Variants in DOP1A observed in about 807,000 individuals in gnomAD.
DOP1A encodes DOP1 leucine zipper like protein A.
In DOP1A, 90 loss-of-function variants were observed where a neutral mutation model predicts 267.6. The observed-to-expected ratio is 0.34, with a 90% CI of 0.28 to 0.40. The LOEUF is 0.40. Ranked by LOEUF, DOP1A falls within the 10% of genes least tolerant of loss-of-function variation. DOP1A has a pLI of 1.00. For missense variants in DOP1A, 2,437 were observed against 2,900.4 expected, an observed-to-expected ratio of 0.84 and a Z score of 3.67; for synonymous variants, 932 against 999.1, an observed-to-expected ratio of 0.93 and a Z score of 1.27.
chr6:83,151,684 C>CAAAACTGTTTCTCAGTGCCCTCAATTG (rs1269561559), intron 28 of DOP1A, 25 bp downstream of exon 28: 2 of 1,579,492 alleles, frequency 1.3e-6, no homozygotes, highest in Non-Finnish European at 1.7e-6. Flanking sequence ...GAGCTGTTGC[C>CAAAACTGTTTCTCAGTGCCCTCAATTG]AAAACTGTTT....
intron 31 of DOP1A, 43 bp downstream of exon 31, chr6:83,153,663 C>A: frequency 6.9e-7 from 1 of 1,448,322 alleles, no homozygotes; most frequent in Admixed American, 2.1e-5. Context: ...AATTCATAGC[C>A]TGTTAGAAAC....
At position 83,139,155 on chromosome 6, in the gene DOP1A, G is replaced by A. The variant is rs1167829532; in HGVS notation, c.5113G>A (p.Asp1705Asn). Residue 1705 changes from aspartate (D) to asparagine (N), a missense_variant, in exon 21 of 39, where the codon GAT becomes AAT. Physicochemically the swap from Asp to Asn is conservative, Grantham distance 23. Coordinates refer to ENST00000349129, the MANE Select transcript of DOP1A (RefSeq NM_015018.4). ...QQYKYETGLS[D>N]SRPLWMASII... The stretch of plus-strand genomic sequence containing the variant: ...GTACAAATACGAAACAGGATTATCT[G>A]ATAGTAGGTAAGAGGTGATTTTTAA... 3.1e-6 allele frequency: 5 copies of A among 1,608,910 alleles called. No homozygotes were observed. The Admixed American group carries it at 6.7e-5, about 21-fold the overall frequency.
intron 15 of DOP1A, among the ~76,000 whole-genome samples, chr6:83,126,541 G>C (rs1356888847): frequency 6.6e-6 from 1 of 152,070 alleles, no homozygotes; most frequent in Non-Finnish European, 1.5e-5. Context: ...TATTATACAA[G>C]TAAGTGCACA....
In DOP1A at chr6:83,153,989, T is replaced by C; in HGVS notation, c.6335T>C (p.Phe2112Ser). ...CGGAGAGCTTGGAAAAAAGAAGCTT[T>C]TGACCTCTTTATGGATCCCAGTTTC... ...YTRRAWKKEA[F>S]DLFMDPSFFQ... The change falls in exon 32 of 39, where the codon TTT (phenylalanine) becomes TCT (serine). Residue 2112 changes from phenylalanine (F) to serine (S), a missense_variant. By Grantham distance (155) the Phe-to-Ser change is radical. Transcript: ENST00000349129. 6.2e-7 allele frequency: 1 copy of C among 1,614,104 alleles called. No individual in the cohort carries two copies. The highest frequency in any genetic ancestry group is 8.5e-7 in the Non-Finnish European group (1 of 1,180,000).
intron 4 of DOP1A, among the ~76,000 whole-genome samples, chr6:83,108,530 T>G (rs1228996518): frequency 6.6e-6 from 1 of 152,186 alleles, no homozygotes; most frequent in African/African-American, 2.4e-5. Flanking sequence ...GCAGGAAGAT[T>G]GCATGAGTCA....
intron 35 of DOP1A, among the ~76,000 whole-genome samples, chr6:83,158,252 C>T (rs1391543847): frequency 6.6e-6 from 1 of 152,074 alleles, no homozygotes; most frequent in East Asian, 1.9e-4. Flanking sequence ...CTGCCCACCT[C>T]GACCTCCCAA....
rs999528930 is a variant in DOP1A at position 83,168,241 on chromosome 6, T to C, written c.*74T>C. 9 of 1,490,288 alleles carry C rather than the reference T, an allele frequency of 6.0e-6. No homozygotes were observed. The African/African-American group carries it at 7.1e-5, about 12-fold the overall frequency. 92.3% of individuals were successfully genotyped at this position (1,490,288 alleles called of 1,614,324 possible). A position where few individuals can be genotyped will look rare whatever the true frequency, so the allele number is the denominator to read the frequency against. On this transcript the variant is annotated 3_prime_UTR_variant, in exon 39 of 39. Coordinates refer to ENST00000349129, the MANE Select transcript of DOP1A (RefSeq NM_015018.4). The stretch of plus-strand genomic sequence containing the variant: ...AACACACACACTGCTCTGCGTTGTA[T>C]AGTTTTTCCTTTTTTGTATGTAACA...
chr6:83,132,029 G>A, intron 17 of DOP1A, 147 bp from the exon 18 acceptor site: 1 of 835,210 alleles, frequency 1.2e-6, no homozygotes, highest in African/African-American at 1.7e-5. Flanking sequence ...ATGGAAGACT[G>A]CCTTAGTAAC....
At chr6:83,124,925 T>A in intron 13 of DOP1A, 106 bp downstream of exon 13, 1 of 1,018,568 alleles carries the variant, frequency 9.8e-7, no homozygotes, top group East Asian at 2.5e-5. Context: ...AAAATTAAAT[T>A]GATTTTTTCC....
At chr6:83,130,015 G>C in intron 16 of DOP1A, 108 bp from the exon 17 acceptor site, 1 of 1,366,876 alleles carries the variant, frequency 7.3e-7, no homozygotes, top group Non-Finnish European at 9.9e-7. Context: ...TTTGTTAACA[G>C]ATCAAGGCCT....
chr6:83,147,131 ATT>A, intron 25 of DOP1A, 103 bp from the exon 26 acceptor site: 1 of 467,922 alleles, frequency 2.1e-6, no homozygotes. Context: ...TGTTCTTTCA[ATT>A]TTTTTAATTA....
intron 7 of DOP1A, 40 bp downstream of exon 7, chr6:83,113,461 G>A: frequency 6.7e-7 from 1 of 1,493,380 alleles, no homozygotes; most frequent in Non-Finnish European, 9.3e-7. Flanking sequence ...GGCATTCTTG[G>A]AAAACTGTAG....
chr6:83,162,963 G>A lies in DOP1A; in HGVS notation c.7092+44G>A, dbSNP rs1184587787. 3.2e-6 allele frequency: 5 copies of A among 1,570,834 alleles called. No individual in the cohort carries two copies. The South Asian group carries it at 4.7e-5, about 15-fold the overall frequency. ...ATTGTTTTGTTTTACATCACTACAT[G>A]TTGCATTAGTGAGGTATTTATTAAA... On this transcript the variant is annotated intron_variant, in intron 38 of 38. Transcript: ENST00000349129.
At chr6:83,157,482 C>G (rs746686378) in intron 35 of DOP1A, among the ~76,000 whole-genome samples, 164 bp downstream of exon 35, 5 of 152,184 alleles carry the variant, frequency 3.3e-5, no homozygotes, top group Non-Finnish European at 7.3e-5. Flanking sequence ...AAGTCAGATT[C>G]CATTTCCATA....
chr6:83,148,472 T>G (rs996347268), intron 26 of DOP1A, among the ~76,000 whole-genome samples: 7 of 151,954 alleles, frequency 4.6e-5, no homozygotes, highest in Middle Eastern at 3.4e-3. Flanking sequence ...CAGTGGCTCA[T>G]GCCCATAATC....
At position 83,089,326 on chromosome 6, in the gene DOP1A, T is replaced by C. The variant is rs79167158; in HGVS notation, c.-146-7405T>C. On this transcript the variant is annotated intron_variant, in intron 1 of 38. Coordinates refer to ENST00000349129, the MANE Select transcript of DOP1A (RefSeq NM_015018.4). Reference sequence around the variant, plus strand: ...ATTTAAATTTTAGCTTTTTATGCTATAAAGTGTAAAAACAAATCTGTACTA... The same window carrying C: ...ATTTAAATTTTAGCTTTTTATGCTACAAAGTGTAAAAACAAATCTGTACTA... Among the ~76,000 whole-genome samples the C allele has an allele frequency of 4.5e-3, 684 of 152,360 alleles. 4 individuals carry two copies. Among genetic ancestry groups the C allele is most frequent in the African/African-American group, 0.015 (615 of 41,598 alleles).
intron 1 of DOP1A, among the ~76,000 whole-genome samples, chr6:83,090,229 T>C (rs1389628157): frequency 6.6e-6 from 1 of 152,238 alleles, no homozygotes; most frequent in African/African-American, 2.4e-5. Flanking sequence ...CATTCAAGTA[T>C]AAGTGTTTTC....
chr6:83,155,801 A>AG, intron 33 of DOP1A, 150 bp from the exon 34 acceptor site: 2 of 855,684 alleles, frequency 2.3e-6, no homozygotes, highest in Non-Finnish European at 3.5e-6. Context: ...TCTGTTTGCC[A>AG]GCCTGTCTGC....
intron 4 of DOP1A, among the ~76,000 whole-genome samples, chr6:83,105,665 G>T (rs1178668357): frequency 6.6e-6 from 1 of 151,786 alleles, no homozygotes; most frequent in Non-Finnish European, 1.5e-5. Context: ...GCCCAGTTGA[G>T]CATGGATGTC....
Sources: allele counts gnomAD v4.1 joint callset (sites outside exome capture counted in the v4.1 genomes callset), GRCh38; gene constraint gnomAD v4.1.1; transcripts MANE v1.5; gene names NCBI Gene and HGNC (gene_info 2026-07-23, HGNC 2026-07-21).